Variants in MUC12 observed in about 807,000 individuals in gnomAD.
The protein encoded by MUC12 is mucin-12.
Under a neutral mutation model 230.8 loss-of-function variants are expected in MUC12, and 172 were observed. The observed-to-expected ratio is 0.75, with a 90% CI of 0.66 to 0.85. The LOEUF is 0.85. Among genes scored for constraint, MUC12 ranks in the 40% least tolerant of loss-of-function variants. MUC12 has a pLI of 0.00. For synonymous variants in MUC12, 1,259 were observed against 2,401.9 expected, an observed-to-expected ratio of 0.52 and a Z score of 13.91; for missense variants, 3,506 against 5,920.6, an observed-to-expected ratio of 0.59 and a Z score of 13.38.
At position 100,995,504 on chromosome 7, in the gene MUC12, A is replaced by G. The variant is rs1246437158; in HGVS notation, c.4941A>G (p.Leu1647=). 5.2e-6 allele frequency: 8 copies of G among 1,534,662 alleles called. No homozygotes were observed. The Admixed American group carries it at 1.6e-4, about 30-fold the overall frequency. The change falls in exon 2 of 12, where the codon TTA becomes TTG. Residue 1647 remains leucine (L), a synonymous_variant. Transcript: ENST00000536621. ...CAGGCTCCACTGAAACAACACTCTT[A>G]CCTGACAACACCACAGCCTCAGGCC... ...SSPGSTETTL[L]PDNTTASGLL...
At position 101,004,759 on chromosome 7, in the gene MUC12, A is replaced by G; in HGVS notation, c.14196A>G (p.Pro4732=). 1 of 1,537,326 alleles carries G rather than the reference A, an allele frequency of 6.5e-7. No individual in the cohort carries two copies. The highest frequency in any genetic ancestry group is 8.7e-7 in the Non-Finnish European group (1 of 1,146,664). ...CATTAGCCAGCACTGCCACAACACC[A>G]GGCCTCAGTGCAAAATCTACCATCC... ...ETTLASTATT[P]GLSAKSTILY... The change falls in exon 2 of 12, where the codon CCA becomes CCG. Residue 4732 remains proline, a synonymous_variant. Transcript: ENST00000536621.
chr7:100,982,060 T>G (rs192175051), intron 1 of MUC12, among the ~76,000 whole-genome samples: 6 of 152,062 alleles, frequency 3.9e-5, no homozygotes, highest in African/African-American at 1.4e-4. Context: ...AGAGATGAGG[T>G]TTCACCGTGT....
intron 1 of MUC12, among the ~76,000 whole-genome samples, chr7:100,978,370 C>A (rs909635558): frequency 2.0e-5 from 3 of 152,158 alleles, no homozygotes. Flanking sequence ...GCAGAATGTG[C>A]ACCTAGAACT....
At chr7:100,981,039 A>C (rs1465169250) in intron 1 of MUC12, among the ~76,000 whole-genome samples, 1 of 152,224 alleles carries the variant, frequency 6.6e-6, no homozygotes, top group Non-Finnish European at 1.5e-5. Context: ...ACTAGCTACT[A>C]TAGTCATCTA....
At position 100,995,468 on chromosome 7, in the gene MUC12, C is replaced by T. The variant is rs1289416343; in HGVS notation, c.4905C>T (p.Phe1635=). The change falls in exon 2 of 12, where the codon TTC becomes TTT. Residue 1635 remains phenylalanine, a synonymous_variant. Coordinates refer to ENST00000536621, the MANE Select transcript of MUC12 (RefSeq NM_001164462.2). ...ASSLGPESTT[F]HSSPGSTETT... ...CCCTTGGTCCAGAATCTACTACTTT[C>T]CACAGCAGCCCAGGCTCCACTGAAA... The T allele has an allele frequency of 4.6e-6, 7 of 1,531,332 alleles. No homozygotes were observed. Among genetic ancestry groups the T allele is most frequent in the Admixed American group, 2.0e-5 (1 of 50,768 alleles). The allele number at this position is 1,531,332 out of a possible 1,614,324, so 94.9% of individuals were successfully genotyped here.
intron 1 of MUC12, 95 bp from the exon 2 acceptor site, chr7:100,990,536 G>A: frequency 2.1e-6 from 3 of 1,433,720 alleles, no homozygotes; most frequent in Non-Finnish European, 2.8e-6. Context: ...CTGACCAGGT[G>A]TCTTCCAGCC....
intron 5 of MUC12, among the ~76,000 whole-genome samples, chr7:101,009,572 C>T (rs1268325109): frequency 6.6e-6 from 1 of 152,182 alleles, no homozygotes; most frequent in Non-Finnish European, 1.5e-5. Flanking sequence ...GTGGTTCATG[C>T]ATGTAATCTC....
chr7:100,990,184 G>A (rs1793256423), intron 1 of MUC12, among the ~76,000 whole-genome samples: 3 of 152,194 alleles, frequency 2.0e-5, no homozygotes, highest in African/African-American at 4.8e-5. Context: ...AGTGAGTAGC[G>A]GGCCAGCGAA....
rs530322470 is a variant in MUC12 at position 101,015,816 on chromosome 7, C to T, written c.15877+125C>T. 8.5e-5 allele frequency: 68 copies of T among 799,192 alleles called. 1 individual carries two copies. Among genetic ancestry groups the T allele is most frequent in the Admixed American group, 1.4e-4 (6 of 42,400 alleles). The allele number at this position is 799,192 out of a possible 1,614,324, so 49.5% of individuals were successfully genotyped here. A position where few individuals can be genotyped will look rare whatever the true frequency, so the allele number is the denominator to read the frequency against. ...TTTGGGGTGGCTGTGACTGACAGCC[C>T]GTTCCCTACCTGCCGCTGCAGCCCC... On this transcript the variant is annotated intron_variant, in intron 10 of 11. Transcript: ENST00000536621.
chr7:100,982,241 C>G (rs1793119841), intron 1 of MUC12, among the ~76,000 whole-genome samples: 1 of 152,018 alleles, frequency 6.6e-6, no homozygotes, highest in African/African-American at 2.4e-5. Context: ...AACCCCATTT[C>G]TAGGCTGGTT....
At chr7:101,010,461 C>T (rs373321978) in intron 5 of MUC12, among the ~76,000 whole-genome samples, 1 of 152,060 alleles carries the variant, frequency 6.6e-6, no homozygotes, top group South Asian at 2.1e-4. Context: ...CTCAGCCTCT[C>T]GAGTAGCTGG....
At chr7:101,012,938 C>T in intron 7 of MUC12, 42 bp from the exon 8 acceptor site, 1 of 1,537,276 alleles carries the variant, frequency 6.5e-7, no homozygotes, top group Non-Finnish European at 8.7e-7. Flanking sequence ...GGCTGGGATG[C>T]TTTGGCCAGG....
rs1263122574 is a variant in MUC12 at position 100,995,666 on chromosome 7, A to C, written c.5103A>C (p.Ala1701=). ...SWPSSKDTMP[A]PPTTTSAFVE... ...CAAGCTCAAAGGACACTATGCCTGC[A>C]CCTCCTACTACCACATCAGCCTTTG... Residue 1701 remains alanine (A), a synonymous_variant, in exon 2 of 12, where the codon GCA becomes GCC. Transcript: ENST00000536621. 1.4e-5 allele frequency: 21 copies of C among 1,536,952 alleles called. No individual in the cohort carries two copies. Among genetic ancestry groups the C allele is most frequent in the Non-Finnish European group, 1.8e-5 (21 of 1,147,040 alleles).
chr7:100,987,060 GTT>G (rs1176844989), intron 1 of MUC12, among the ~76,000 whole-genome samples: 30 of 91,330 alleles, frequency 3.3e-4, no homozygotes, highest in South Asian at 2.1e-3. Flanking sequence ...CAAGATAATG[GTT>G]TTTTTTTTTT....
rs570653409 is a variant in MUC12 at position 101,016,611 on chromosome 7, G to A, written c.15877+920G>A. Among the ~76,000 whole-genome samples, 7 of 151,696 alleles carry A rather than the reference G, an allele frequency of 4.6e-5. No individual in the cohort carries two copies. The East Asian group carries it at 9.7e-4, about 21-fold the overall frequency. On this transcript the variant is annotated intron_variant, in intron 10 of 11. Transcript: ENST00000536621. ...ATTACAGGCGTGAACCACCATGCCC[G>A]GTCACATTTTGAATTTTTTTTACTC...
rs1793397789 is a variant in MUC12 at position 100,993,732 on chromosome 7, G to A, written c.3169G>A (p.Gly1057Arg). 1.5e-6 allele frequency: 2 copies of A among 1,308,736 alleles called. 1 individual carries two copies. Among genetic ancestry groups the A allele is most frequent in the Admixed American group, 4.5e-5 (2 of 44,892 alleles). 81.1% of individuals were successfully genotyped at this position (1,308,736 alleles called of 1,614,324 possible). ...TIFHSSPDAS[G>R]TTPSSAHSTT... ...ATTCCACAGCAGCCCAGATGCAAGT[G>A]GAACAACACCCTCATCTGCCCACTC... is the stretch of plus-strand genomic sequence containing the variant. Residue 1057 changes from glycine (G) to arginine (R), a missense_variant, in exon 2 of 12, where the codon GGA (glycine) becomes AGA (arginine). Physicochemically the swap from Gly to Arg is moderately radical, Grantham distance 125. Coordinates refer to ENST00000536621, the MANE Select transcript of MUC12 (RefSeq NM_001164462.2).
intron 1 of MUC12, among the ~76,000 whole-genome samples, chr7:100,978,109 C>T (rs1793059183): frequency 6.6e-6 from 1 of 152,166 alleles, no homozygotes; most frequent in South Asian, 2.1e-4. Context: ...GTTAGGACTT[C>T]GAGGATATAT....
chr7:101,015,658 C>G lies in MUC12; in HGVS notation c.15844C>G (p.Pro5282Ala), dbSNP rs892117794. The G allele has an allele frequency of 1.3e-6, 2 of 1,537,554 alleles. No individual in the cohort carries two copies. Among genetic ancestry groups the G allele is most frequent in the African/African-American group, 2.7e-5 (2 of 73,042 alleles). ...VPQEWRKEGTPGIFQKTAIWE... is the reference protein window; with the variant it reads ...VPQEWRKEGTAGIFQKTAIWE... ...TCAAGAGTGGCGAAAGGAAGGCACC[C>G]CTGGCATCTTCCAGAAGACGGCCAT... Residue 5282 changes from proline (P) to alanine (A), a missense_variant, in exon 10 of 12, where the codon CCT becomes GCT. Coordinates refer to ENST00000536621, the MANE Select transcript of MUC12 (RefSeq NM_001164462.2).
chr7:100,991,023 G>A lies in MUC12; in HGVS notation c.460G>A (p.Ala154Thr). 2 of 1,537,828 alleles carry A rather than the reference G, an allele frequency of 1.3e-6. No homozygotes were observed. Among genetic ancestry groups the A allele is most frequent in the Non-Finnish European group, 1.7e-6 (2 of 1,147,056 alleles). The change falls in exon 2 of 12, where the codon GCC becomes ACC. Residue 154 changes from alanine (A) to threonine (T), a missense_variant. By Grantham distance (58) the Ala-to-Thr change is moderately conservative. Coordinates refer to ENST00000536621, the MANE Select transcript of MUC12 (RefSeq NM_001164462.2). Reference sequence around the variant, plus strand: ...ATCACCAGACAGAACACTCTCACCTGCCCGCACGACAAGCTCAGGCGTCAG... The same window carrying A: ...ATCACCAGACAGAACACTCTCACCTACCCGCACGACAAGCTCAGGCGTCAG... ...PRSPDRTLSP[A>T]RTTSSGVSEK...
Sources: allele counts gnomAD v4.1 joint callset (sites outside exome capture counted in the v4.1 genomes callset), GRCh38; gene constraint gnomAD v4.1.1; transcripts MANE v1.5; gene names NCBI Gene and HGNC (gene_info 2026-07-23, HGNC 2026-07-21).